The following TNFRSF8 variants were observed in gnomAD, a reference collection of about 807,000 sequenced individuals.
TNFRSF8 encodes TNF receptor superfamily member 8.
A neutral mutation model predicts 70.8 loss-of-function variants in TNFRSF8; 26 were observed. That is an observed-to-expected ratio of 0.37 (90% CI 0.27 to 0.51). The LOEUF is 0.51. Ranked by LOEUF, TNFRSF8 falls within the 20% of genes least tolerant of loss-of-function variation. The pLI is 0.94. For missense variants in TNFRSF8, 720 were observed against 807.9 expected, an observed-to-expected ratio of 0.89 and a Z score of 1.32; for synonymous variants, 356 against 339.2, an observed-to-expected ratio of 1.05 and a Z score of -0.54.
At chr1:12,117,135 T>C (rs1641746369) in intron 8 of TNFRSF8, among the ~76,000 whole-genome samples, 1 of 152,148 alleles carries the variant, frequency 6.6e-6, no homozygotes, top group Admixed American at 6.5e-5. Context: ...CAGGCCGATG[T>C]GCAGTGGTGT....
rs1007301970 is a variant in TNFRSF8 at position 12,141,822 on chromosome 1, G to A, written c.1544-465G>A. Among the ~76,000 whole-genome samples the A allele has an allele frequency of 6.6e-6, 1 of 152,190 alleles. No homozygotes were observed. The highest frequency in any genetic ancestry group is 6.5e-5 in the Admixed American group (1 of 15,280). On this transcript the variant is annotated intron_variant, in intron 14 of 14. Transcript: ENST00000263932. This position sits in a 1 kb window ranked among gnomAD's most constrained non-coding sequence, Gnocchi z 5.4. ...TCTCCTAACTACGTGGCGACCTTGG[G>A]CAGGTCATTTAACCTCTCCAGGCTT...
chr1:12,124,470 G>A (rs1641893477), intron 10 of TNFRSF8, among the ~76,000 whole-genome samples: 1 of 152,332 alleles, frequency 6.6e-6, no homozygotes, highest in African/African-American at 2.4e-5. Context: ...CTATACAATG[G>A]TAATGGCAGA....
intron 3 of TNFRSF8, among the ~76,000 whole-genome samples, chr1:12,101,291 G>A (rs142880384): frequency 2.0e-5 from 3 of 150,844 alleles, no homozygotes; most frequent in African/African-American, 7.3e-5. Context: ...GCTGGGTGTG[G>A]TGGCATGCGC....
Position 12,115,644 on chromosome 1 carries a change from G to A in TNFRSF8, c.861G>A (p.Met287Ile). Residue 287 changes from methionine (M) to isoleucine (I), a missense_variant, in exon 8 of 15, where the codon ATG becomes ATA. Physicochemically the swap from Met to Ile is conservative, Grantham distance 10. Transcript: ENST00000263932. ...GCACCTGCGAATGTCGACCTGGCAT[G>A]ATCTGTGCCACATCAGCCACCAACT... ...SSRTCECRPG[M>I]ICATSATNSC... The A allele has an allele frequency of 1.2e-6, 2 of 1,614,176 alleles. No homozygotes were observed. The highest frequency in any genetic ancestry group is 1.7e-6 in the Non-Finnish European group (2 of 1,180,024).
At chr1:12,118,113 C>G (rs552115089) in intron 8 of TNFRSF8, among the ~76,000 whole-genome samples, 4 of 152,044 alleles carry the variant, frequency 2.6e-5, no homozygotes, top group African/African-American at 7.2e-5. Context: ...CCCTCCCCCC[C>G]CACCCTTTTC....
Position 12,113,011 on chromosome 1 carries a change from A to G in TNFRSF8, c.793+997A>G, listed in dbSNP as rs1403754053. ...GTCATTGGAGGTCTCTGTCCTAGTT[A>G]CTAAGGCTGCATAGCAAATTTTCTT... On this transcript the variant is annotated intron_variant, in intron 7 of 14. Coordinates refer to ENST00000263932, the MANE Select transcript of TNFRSF8 (RefSeq NM_001243.5). This position sits in a 1 kb window ranked among gnomAD's most constrained non-coding sequence, Gnocchi z 4.9. Among the ~76,000 whole-genome samples the G allele has an allele frequency of 6.6e-6, 1 of 152,260 alleles. No homozygotes were observed. Among genetic ancestry groups the G allele is most frequent in the Non-Finnish European group, 1.5e-5 (1 of 68,042 alleles).
Position 12,142,409 on chromosome 1 carries a change from C to G in TNFRSF8, c.1666C>G (p.His556Asp), listed in dbSNP as rs1223084892. The change falls in exon 15 of 15, where the codon CAT becomes GAT. Residue 556 changes from histidine (H) to aspartate (D), a missense_variant. Coordinates refer to ENST00000263932, the MANE Select transcript of TNFRSF8 (RefSeq NM_001243.5). The surrounding 1 kb of genome is among the most constrained non-coding windows in gnomAD (Gnocchi z 5.0). ...PELEEELEAD[H>D]TPHYPEQETE... ...GTTGGAGGAGGAGCTGGAGGCGGAC[C>G]ATACCCCCCACTACCCCGAGCAGGA... 6.2e-7 allele frequency: 1 copy of G among 1,612,852 alleles called. No individual in the cohort carries two copies. The highest frequency in any genetic ancestry group is 8.5e-7 in the Non-Finnish European group (1 of 1,179,620).
intron 10 of TNFRSF8, 120 bp from the exon 11 acceptor site, chr1:12,125,831 C>T: frequency 3.7e-6 from 3 of 814,694 alleles, no homozygotes; most frequent in South Asian, 1.4e-5. Flanking sequence ...TTGGAAAGGA[C>T]CTGTTGTTGT....
In TNFRSF8 at chr1:12,143,699, G is replaced by A. The variant is rs1415351444; in HGVS notation, c.*1168G>A. ...TAGTGGCCCTGACTTCCGGTCGGCT[G>A]GCCAGCTGACTCCCTAGGGCCTTCA... is the stretch of plus-strand genomic sequence containing the variant. On this transcript the variant is annotated 3_prime_UTR_variant, in exon 15 of 15. Transcript: ENST00000263932. The surrounding 1 kb of genome is among the most constrained non-coding windows in gnomAD (Gnocchi z 4.1). 2 of 152,174 alleles carry A rather than the reference G, an allele frequency of 1.3e-5. No individual in the cohort carries two copies. Among genetic ancestry groups the A allele is most frequent in the African/African-American group, 4.8e-5 (2 of 41,410 alleles). 9.4% of individuals were successfully genotyped at this position (152,174 alleles called of 1,614,324 possible). A position where few individuals can be genotyped will look rare whatever the true frequency, so the allele number is the denominator to read the frequency against.
rs544503173 is a variant in TNFRSF8, at chr1:12,088,751, G to C, written c.151+4200G>C. ...CCCAGGAGCTGAGGGTTCCTCCGAA[G>C]GCTGTGAACAGGAAGGAGGAGGAGG... On this transcript the variant is annotated intron_variant, in intron 2 of 14. Coordinates refer to ENST00000263932, the MANE Select transcript of TNFRSF8 (RefSeq NM_001243.5). This position sits in a 1 kb window ranked among gnomAD's most constrained non-coding sequence, Gnocchi z 4.0. 6.6e-6 allele frequency among the ~76,000 whole-genome samples: 1 copy of C among 152,362 alleles called. No individual in the cohort carries two copies. Among genetic ancestry groups the C allele is most frequent in the Non-Finnish European group, 1.5e-5 (1 of 68,030 alleles).
chr1:12,117,346 G>C (rs1289953439), intron 8 of TNFRSF8, among the ~76,000 whole-genome samples: 3 of 152,194 alleles, frequency 2.0e-5, no homozygotes, highest in African/African-American at 4.8e-5. Context: ...ACCTCCCAAA[G>C]TGCTGGGATT....
At position 12,088,684 on chromosome 1, in the gene TNFRSF8, C is replaced by A. The variant is rs1394917971; in HGVS notation, c.151+4133C>A. ...TCAGGGGAAGGATGTGAGGCCAGGC[C>A]AAGTGTTAGGTAGGGAGCATGGCAG... On this transcript the variant is annotated intron_variant, in intron 2 of 14. Coordinates refer to ENST00000263932, the MANE Select transcript of TNFRSF8 (RefSeq NM_001243.5). The surrounding 1 kb of genome is among the most constrained non-coding windows in gnomAD (Gnocchi z 4.0). Among the ~76,000 whole-genome samples, 1 of 152,226 alleles carries A rather than the reference C, an allele frequency of 6.6e-6. No homozygotes were observed. Among genetic ancestry groups the A allele is most frequent in the Non-Finnish European group, 1.5e-5 (1 of 68,044 alleles).
In TNFRSF8 at chr1:12,088,251, G is replaced by A. The variant is rs1273338783; in HGVS notation, c.151+3700G>A. Among the ~76,000 whole-genome samples the A allele has an allele frequency of 6.6e-6, 1 of 152,136 alleles. No homozygotes were observed. The highest frequency in any genetic ancestry group is 1.5e-5 in the Non-Finnish European group (1 of 68,030). ...CTTGGTGACGGGGAGCTCATTCACT[G>A]ACTCATAACAATGACCACGATTCAT... On this transcript the variant is annotated intron_variant, in intron 2 of 14. Transcript: ENST00000263932. The surrounding 1 kb of genome is among the most constrained non-coding windows in gnomAD (Gnocchi z 4.0).
At chr1:12,099,837 G>A (rs1290621952) in intron 3 of TNFRSF8, among the ~76,000 whole-genome samples, 10 of 152,030 alleles carry the variant, frequency 6.6e-5, no homozygotes, top group Admixed American at 6.6e-4. Context: ...GACACAATGT[G>A]AGTATTTGTG....
At chr1:12,135,214 G>T (rs1243485572) in intron 12 of TNFRSF8, among the ~76,000 whole-genome samples, 1 of 151,344 alleles carries the variant, frequency 6.6e-6, no homozygotes, top group Non-Finnish European at 1.5e-5. Flanking sequence ...TATTCGGGAG[G>T]CTGAGGCATG....
At chr1:12,073,779 A>G (rs1428488354) in intron 1 of TNFRSF8, among the ~76,000 whole-genome samples, 1 of 151,692 alleles carries the variant, frequency 6.6e-6, no homozygotes, top group Non-Finnish European at 1.5e-5. Context: ...TATTTTTACT[A>G]GAGATGGGGT....
At position 12,073,060 on chromosome 1, in the gene TNFRSF8, G is replaced by A. The variant is rs560292129; in HGVS notation, c.63+9399G>A. Reference sequence around the variant, plus strand: ...CCCAGCATTCTGGGAGGCCAAGGCAGGAGGATCTCATGAGCCCAGGAGTTT... The same window carrying A: ...CCCAGCATTCTGGGAGGCCAAGGCAAGAGGATCTCATGAGCCCAGGAGTTT... On this transcript the variant is annotated intron_variant, in intron 1 of 14. Coordinates refer to ENST00000263932, the MANE Select transcript of TNFRSF8 (RefSeq NM_001243.5). Among the ~76,000 whole-genome samples, 4 of 152,338 alleles carry A rather than the reference G, an allele frequency of 2.6e-5. No homozygotes were observed. In the South Asian group the frequency reaches 8.3e-4, roughly 32 times the overall value.
At chr1:12,140,849 C>A (rs193252824) in intron 14 of TNFRSF8, among the ~76,000 whole-genome samples, 91 of 152,074 alleles carry the variant, frequency 6.0e-4, no homozygotes, top group Admixed American at 4.3e-3. Context: ...CTGCCCATCC[C>A]CCTCTGGGCC....
intron 2 of TNFRSF8, among the ~76,000 whole-genome samples, chr1:12,084,786 T>C (rs1641124763): frequency 6.6e-6 from 1 of 152,216 alleles, no homozygotes; most frequent in Admixed American, 6.5e-5. Context: ...TCCATGAGTT[T>C]TTATTTTTAA....
Sources: gnomAD v4.1 joint callset for allele counts (sites outside exome capture counted in the v4.1 genomes callset) on GRCh38, gnomAD v4.1.1 for gene constraint, Gnocchi (gnomAD v3.1) non-coding constraint, MANE v1.5 for transcripts, NCBI Gene and HGNC (gene_info 2026-07-23, HGNC 2026-07-21) for gene names.